HHIP: variants seen among roughly 807,000 people sequenced by gnomAD.
HHIP encodes hedgehog-interacting protein.
HHIP carries 12 observed loss-of-function variants against 74.0 expected under a neutral mutation model. The ratio of observed to expected loss-of-function variants is 0.16; its 90% CI spans 0.10 to 0.26. The LOEUF is 0.26. Among genes scored for constraint, HHIP ranks in the 10% least tolerant of loss-of-function variants. The pLI is 1.00. For synonymous variants in HHIP, 309 were observed against 311.6 expected (o/e 0.99, Z 0.09); for missense variants, 788 against 845.0 (o/e 0.93, Z 0.84).
At position 144,741,512 on chromosome 4, in the gene HHIP, TG is replaced by T. The variant is rs1382025186; in HGVS notation, c.*3558del. On this transcript the variant is annotated 3_prime_UTR_variant, in exon 13 of 13. Coordinates refer to ENST00000296575, the MANE Select transcript of HHIP (RefSeq NM_022475.3). ...CTCCTGCCTCAGCCTCCCAAGTAGC[TG>T]GGATTACAGGTGCCCGCCACCACAC... is the stretch of plus-strand genomic sequence containing the variant. The T allele has an allele frequency of 6.6e-6, 1 of 151,914 alleles. No individual in the cohort carries two copies. Among genetic ancestry groups the T allele is most frequent in the Non-Finnish European group, 1.5e-5 (1 of 68,114 alleles). The allele number at this position is 151,914 out of a possible 1,614,324, so 9.4% of individuals were successfully genotyped here.
chr4:144,683,493 A>G (rs1729400086), intron 4 of HHIP, among the ~76,000 whole-genome samples: 1 of 152,232 alleles, frequency 6.6e-6, no homozygotes, highest in South Asian at 2.1e-4. Flanking sequence ...AATTTAAGAT[A>G]ATAGTCAAAT....
intron 10 of HHIP, among the ~76,000 whole-genome samples, chr4:144,718,600 A>G (rs753061455): frequency 6.6e-6 from 1 of 152,200 alleles, no homozygotes; most frequent in Non-Finnish European, 1.5e-5. Context: ...GAGTGGCAAC[A>G]GGGAGCTCAG....
rs202146465 is a variant in HHIP, at chr4:144,646,503, T to A, written c.-173T>A. The A allele has an allele frequency of 1.6e-6, 1 of 620,818 alleles. No individual in the cohort carries two copies. The highest frequency in any genetic ancestry group is 2.8e-6 in the Non-Finnish European group (1 of 359,646). The allele number at this position is 620,818 out of a possible 1,614,324, so 38.5% of individuals were successfully genotyped here. Reference sequence around the variant, plus strand: ...ATTGGACCCATCGCCGCGTCTTTTATTTTTTGCAAAGTTGCATCGCTGTAC... The same window carrying A: ...ATTGGACCCATCGCCGCGTCTTTTAATTTTTGCAAAGTTGCATCGCTGTAC... On this transcript the variant is annotated 5_prime_UTR_variant, in exon 1 of 13. An upstream open reading frame in the 5' UTR gains an earlier in-frame stop. Coordinates refer to ENST00000296575, the MANE Select transcript of HHIP (RefSeq NM_022475.3).
At chr4:144,663,968 T>A (rs1728786749) in intron 4 of HHIP, among the ~76,000 whole-genome samples, 1 of 152,214 alleles carries the variant, frequency 6.6e-6, no homozygotes, top group African/African-American at 2.4e-5. Context: ...CCCGCACCTG[T>A]CACTTGGCAG....
In HHIP at chr4:144,730,173, C is replaced by G. The variant is rs149094859; in HGVS notation, c.1761-4568C>G. 1.3e-3 allele frequency among the ~76,000 whole-genome samples: 199 copies of G among 152,238 alleles called. 1 individual carries two copies. Among genetic ancestry groups the G allele is most frequent in the African/African-American group, 4.4e-3 (183 of 41,538 alleles). Reference sequence around the variant, plus strand: ...AAATAACTTATGCTTCTCAACTTCCCTTCTTTCAAAAAAGTATCCAAATCT... The same window carrying G: ...AAATAACTTATGCTTCTCAACTTCCGTTCTTTCAAAAAAGTATCCAAATCT... On this transcript the variant is annotated intron_variant, in intron 11 of 12. Transcript: ENST00000296575.
At chr4:144,694,526 C>A (rs1417473925) in intron 4 of HHIP, among the ~76,000 whole-genome samples, 1 of 151,708 alleles carries the variant, frequency 6.6e-6, no homozygotes, top group Non-Finnish European at 1.5e-5. Flanking sequence ...GAAGATAATG[C>A]TTTTAGCTGC....
chr4:144,657,566 C>CTAA (rs1251747697), intron 2 of HHIP, among the ~76,000 whole-genome samples: 13 of 152,112 alleles, frequency 8.5e-5, no homozygotes, highest in Non-Finnish European at 1.8e-4. Context: ...GTGAGTCTTG[C>CTAA]TAATATGTCC....
intron 11 of HHIP, among the ~76,000 whole-genome samples, chr4:144,728,586 A>G (rs747767224): frequency 2.4e-4 from 37 of 152,224 alleles, no homozygotes; most frequent in Admixed American, 2.6e-4. Flanking sequence ...TTAAGAATAC[A>G]TAATACAGAT....
rs545368450 is a variant in HHIP, at chr4:144,738,100, A to G, written c.*143A>G. On this transcript the variant is annotated 3_prime_UTR_variant, in exon 13 of 13. Coordinates refer to ENST00000296575, the MANE Select transcript of HHIP (RefSeq NM_022475.3). ...TTAAAAATAATTTCCAGAAATGTGC[A>G]GATCCTCTGTGTGTATGTCAGCATG... is the stretch of plus-strand genomic sequence containing the variant. 5 of 1,349,148 alleles carry G rather than the reference A, an allele frequency of 3.7e-6. No individual in the cohort carries two copies. The highest frequency in any genetic ancestry group is 4.8e-6 in the Non-Finnish European group (5 of 1,052,090). 83.6% of individuals were successfully genotyped at this position (1,349,148 alleles called of 1,614,324 possible). A position where few individuals can be genotyped will look rare whatever the true frequency, so the allele number is the denominator to read the frequency against.
At position 144,714,006 on chromosome 4, in the gene HHIP, C is replaced by G. The variant is rs568745677; in HGVS notation, c.1424-219C>G. Among the ~76,000 whole-genome samples, 23 of 152,106 alleles carry G rather than the reference C, an allele frequency of 1.5e-4. 1 individual carries two copies. Among genetic ancestry groups the G allele is most frequent in the Middle Eastern group, 6.8e-3 (2 of 294 alleles). ...CAAATTCAACAACAGCAAGCGTTTGCGGAGCATTCTGATTTCATTAAGCTG... is the reference window on the plus strand; with the variant it reads ...CAAATTCAACAACAGCAAGCGTTTGGGGAGCATTCTGATTTCATTAAGCTG... On this transcript the variant is annotated intron_variant, in intron 8 of 12. Transcript: ENST00000296575.
At chr4:144,709,488 A>G (rs1350931284) in intron 7 of HHIP, among the ~76,000 whole-genome samples, 1 of 152,164 alleles carries the variant, frequency 6.6e-6, no homozygotes, top group Non-Finnish European at 1.5e-5. Flanking sequence ...TACAGACCAG[A>G]TGTGTGGCAA....
chr4:144,709,474 G>A (rs1262289718), intron 7 of HHIP, among the ~76,000 whole-genome samples: 1 of 152,188 alleles, frequency 6.6e-6, no homozygotes, highest in African/African-American at 2.4e-5. Flanking sequence ...GGGATGAGGT[G>A]CTTTACAGAC....
At chr4:144,714,151 T>G in intron 8 of HHIP, 74 bp from the exon 9 acceptor site, 1 of 1,280,590 alleles carries the variant, frequency 7.8e-7, no homozygotes. Context: ...ACTATAGTAA[T>G]TGTTGTTTGG....
chr4:144,685,392 A>C (rs1729458949), intron 4 of HHIP, among the ~76,000 whole-genome samples: 1 of 152,266 alleles, frequency 6.6e-6, no homozygotes, highest in Non-Finnish European at 1.5e-5. Flanking sequence ...TTTAAATTAC[A>C]AAATTTCCTT....
In HHIP at chr4:144,646,492, C is replaced by T; in HGVS notation, c.-184C>T. The T allele has an allele frequency of 1.7e-6, 1 of 595,432 alleles. No homozygotes were observed. The highest frequency in any genetic ancestry group is 2.9e-6 in the Non-Finnish European group (1 of 339,008). 36.9% of individuals were successfully genotyped at this position (595,432 alleles called of 1,614,324 possible). Reference sequence around the variant, plus strand: ...TCCCCTAAGGCATTGGACCCATCGCCGCGTCTTTTATTTTTTGCAAAGTTG... The same window carrying T: ...TCCCCTAAGGCATTGGACCCATCGCTGCGTCTTTTATTTTTTGCAAAGTTG... On this transcript the variant is annotated 5_prime_UTR_variant, in exon 1 of 13. Transcript: ENST00000296575.
chr4:144,721,320 C>CAA (rs1470862540), intron 11 of HHIP, among the ~76,000 whole-genome samples: 2 of 152,024 alleles, frequency 1.3e-5, no homozygotes, highest in African/African-American at 2.4e-5. Context: ...CACACACACA[C>CAA]AATGAGGGAG....
chr4:144,677,710 A>G (rs1729209236), intron 4 of HHIP, among the ~76,000 whole-genome samples: 1 of 152,184 alleles, frequency 6.6e-6, no homozygotes, highest in South Asian at 2.1e-4. Context: ...CCAGGCTCTT[A>G]ATATTCAATC....
chr4:144,728,191 C>T (rs1051680649), intron 11 of HHIP, among the ~76,000 whole-genome samples: 4 of 152,170 alleles, frequency 2.6e-5, no homozygotes, highest in African/African-American at 9.7e-5. Flanking sequence ...CTGCTTTTGC[C>T]TCCTTTGAAA....
chr4:144,646,895 C>A lies in HHIP; in HGVS notation c.220C>A (p.Pro74Thr). The A allele has an allele frequency of 6.2e-7, 1 of 1,614,062 alleles. No homozygotes were observed. Among genetic ancestry groups the A allele is most frequent in the Non-Finnish European group, 8.5e-7 (1 of 1,179,962 alleles). Residue 74 changes from proline (P) to threonine (T), a missense_variant, in exon 1 of 13, where the codon CCT becomes ACT. Pro to Thr is a conservative substitution (Grantham distance 38, BLOSUM62 -1). Transcript: ENST00000296575. The part of the protein sequence containing the change: ...GGEMLCGGFY[P>T]RLSCCLRSDS... The stretch of plus-strand genomic sequence containing the variant: ...AGAGATGCTGTGCGGTGGCTTCTAC[C>A]CTCGGCTGTCCTGCTGCCTGCGGAG...
Sources: allele counts gnomAD v4.1 joint callset (sites outside exome capture counted in the v4.1 genomes callset), GRCh38; gene constraint gnomAD v4.1.1; transcripts MANE v1.5; gene names NCBI Gene and HGNC (gene_info 2026-07-23, HGNC 2026-07-21).